Variants in DERL1 observed in about 807,000 individuals in gnomAD.
DERL1 encodes derlin-1.
Under a neutral mutation model 41.6 loss-of-function variants are expected in DERL1, and 24 were observed. That is an observed-to-expected ratio of 0.58 (90% CI 0.42 to 0.81). The LOEUF (loss-of-function observed/expected upper bound fraction) is 0.81, where lower values mean the gene tolerates loss of function less well. Ranked by LOEUF, DERL1 falls within the 30% of genes least tolerant of loss-of-function variation. The probability of loss-of-function intolerance (pLI) is 0.00; values close to 1 mark genes in which losing one functional copy is unlikely to be tolerated. For synonymous variants in DERL1, 124 were observed against 112.5 expected (o/e 1.10, Z -0.65); for missense variants, 260 against 314.3 (o/e 0.83, Z 1.31).
At position 123,030,060 on chromosome 8, in the gene DERL1, A is replaced by AAAAT. The variant is rs1554595884; in HGVS notation, c.265+541_265+544dup. ...GGGCAACGGAGCAAGATTGTCTCAA[A>AAAAT]AAATAAATAAATAAATAAAATAAAA... is the stretch of plus-strand genomic sequence containing the variant. On this transcript the variant is annotated intron_variant, in intron 2 of 7. Transcript: ENST00000259512. Among the ~76,000 whole-genome samples, 421 of 151,946 alleles carry AAAAT rather than the reference A, an allele frequency of 2.8e-3. 11 individuals carry two copies. In the East Asian group the frequency reaches 0.063, roughly 23 times the overall value.
chr8:123,020,796 C>CAAAAAAAAA (rs59816749), intron 6 of DERL1, among the ~76,000 whole-genome samples: 1 of 112,396 alleles, frequency 8.9e-6, no homozygotes. Context: ...CTAAAAATCC[C>CAAAAAAAAA]AAAAAAAAAA....
chr8:123,019,614 T>C (rs1814703529), intron 6 of DERL1, among the ~76,000 whole-genome samples: 1 of 152,206 alleles, frequency 6.6e-6, no homozygotes, highest in African/African-American at 2.4e-5. Flanking sequence ...GTTGGGGAAG[T>C]TGCAAAGCAT....
At chr8:123,027,137 T>C (rs991747163) in intron 2 of DERL1, among the ~76,000 whole-genome samples, 2 of 151,360 alleles carry the variant, frequency 1.3e-5, no homozygotes, top group African/African-American at 4.9e-5. Flanking sequence ...CTACTAAAAA[T>C]ACAAAAATTA....
At chr8:123,020,927 T>C (rs1814746426) in intron 6 of DERL1, among the ~76,000 whole-genome samples, 3 of 150,612 alleles carry the variant, frequency 2.0e-5, no homozygotes, top group East Asian at 2.0e-4. Context: ...GATCGCACCA[T>C]TGCACTCCAG....
chr8:123,035,305 A>G (rs1324910386), intron 1 of DERL1, among the ~76,000 whole-genome samples: 1 of 152,234 alleles, frequency 6.6e-6, no homozygotes. Context: ...CTTTAAAATT[A>G]TAATCTGAAA....
At chr8:123,021,293 C>T (rs575600135) in intron 6 of DERL1, among the ~76,000 whole-genome samples, 154 bp downstream of exon 6, 1 of 152,184 alleles carries the variant, frequency 6.6e-6, no homozygotes, top group Non-Finnish European at 1.5e-5. Flanking sequence ...GCAATCTAAT[C>T]AATTCAATCG....
intron 6 of DERL1, among the ~76,000 whole-genome samples, chr8:123,019,830 A>G (rs117415357): frequency 1.3e-5 from 2 of 152,126 alleles, no homozygotes; most frequent in East Asian, 3.9e-4. Flanking sequence ...GCCGACTTGC[A>G]CCCTGAAATC....
At chr8:123,019,373 G>C (rs986421135) in intron 6 of DERL1, 68 bp from the exon 7 acceptor site, 1 of 1,126,172 alleles carries the variant, frequency 8.9e-7, no homozygotes, top group Non-Finnish European at 1.3e-6. Context: ...TTAACTAATA[G>C]CATAAGGAAG....
chr8:123,021,440 C>T lies in DERL1; in HGVS notation c.506+7G>A, dbSNP rs1232434039. The T allele has an allele frequency of 3.1e-6, 5 of 1,611,840 alleles. No individual in the cohort carries two copies. Among genetic ancestry groups the T allele is most frequent in the African/African-American group, 1.3e-5 (1 of 74,836 alleles). Reference sequence around the variant, plus strand: ...GTTTCCAATTAAATAAATCTAATATCACTTACGAGCCTCCGATGATATAGT... The same window carrying T: ...GTTTCCAATTAAATAAATCTAATATTACTTACGAGCCTCCGATGATATAGT... On this transcript the variant is annotated splice_region_variant and intron_variant, in intron 6 of 7. Transcript: ENST00000259512.
At chr8:123,028,804 C>T (rs753848719) in intron 2 of DERL1, among the ~76,000 whole-genome samples, 12 of 152,112 alleles carry the variant, frequency 7.9e-5, no homozygotes, top group Admixed American at 7.2e-4. Context: ...CAGTGGCTCA[C>T]GCCTGTAATC....
chr8:123,016,060 T>C (rs1259226980), intron 7 of DERL1: 1 of 152,366 alleles, frequency 6.6e-6, no homozygotes, highest in African/African-American at 2.4e-5. Flanking sequence ...GCTGAGCCCA[T>C]CAAAGGAGAC....
intron 5 of DERL1, 112 bp from the exon 6 acceptor site, chr8:123,021,611 T>C (rs1023203153): frequency 1.0e-6 from 1 of 959,122 alleles, no homozygotes; most frequent in South Asian, 1.4e-5. Context: ...ATATAAATCC[T>C]CTGGAAGGTC....
chr8:123,039,683 C>T (rs1480815815), intron 1 of DERL1, among the ~76,000 whole-genome samples: 1 of 152,196 alleles, frequency 6.6e-6, no homozygotes, highest in Non-Finnish European at 1.5e-5. Context: ...CCCCTTAAAA[C>T]ACGTGCCTCT....
Position 123,042,098 on chromosome 8 carries a change from T to C in DERL1, c.25A>G (p.Arg9Gly). Residue 9 changes from arginine to glycine, a missense_variant, in exon 1 of 8, where the codon AGG becomes GGG. By Grantham distance (125) the Arg-to-Gly change is moderately radical (BLOSUM62 -2). Coordinates refer to ENST00000259512, the MANE Select transcript of DERL1 (RefSeq NM_024295.6). MSDIGDWF[R>G]SIPAITRYWF... The stretch of plus-strand genomic sequence containing the variant: ...TAGCGCGTGATCGCCGGGATGCTCC[T>C]GAACCAGTCTCCGATGTCCGACATC... 1 of 1,612,288 alleles carries C rather than the reference T, an allele frequency of 6.2e-7. No homozygotes were observed. The highest frequency in any genetic ancestry group is 8.5e-7 in the Non-Finnish European group (1 of 1,178,810).
chr8:123,028,410 T>G (rs930802704), intron 2 of DERL1, among the ~76,000 whole-genome samples: 2 of 152,178 alleles, frequency 1.3e-5, no homozygotes, highest in Non-Finnish European at 2.9e-5. Context: ...GGTAAATCCA[T>G]ATACACGGAA....
chr8:123,025,021 A>G lies in DERL1; in HGVS notation c.295T>C (p.Leu99=). 9 of 1,613,972 alleles carry G rather than the reference A, an allele frequency of 5.6e-6. No homozygotes were observed. The highest frequency in any genetic ancestry group is 7.6e-6 in the Non-Finnish European group (9 of 1,179,940). Residue 99 remains leucine (L), a synonymous_variant, in exon 3 of 8, where the codon TTA becomes CTA. Coordinates refer to ENST00000259512, the MANE Select transcript of DERL1 (RefSeq NM_024295.6). ...ATCCAGTTAAAGAGGAGCATGAATA[A>G]ATAGTCTGCTGGCCTCCCATCAAAA... The part of the protein sequence containing the change: ...GAFDGRPADY[L]FMLLFNWICI...
Position 123,014,507 on chromosome 8 carries a change from T to C in DERL1, c.*940A>G, listed in dbSNP as rs3739292. The C allele has an allele frequency of 0.061, 9,346 of 152,696 alleles. 444 individuals carry two copies. Among genetic ancestry groups the C allele is most frequent in the East Asian group, 0.2 (1,031 of 5,166 alleles). 9.5% of individuals were successfully genotyped at this position (152,696 alleles called of 1,614,324 possible). A position where few individuals can be genotyped will look rare whatever the true frequency, so the allele number is the denominator to read the frequency against. On this transcript the variant is annotated 3_prime_UTR_variant, in exon 8 of 8. Coordinates refer to ENST00000259512, the MANE Select transcript of DERL1 (RefSeq NM_024295.6). ...CAATGAACACATATCCAGAATGAGATTGAAATGGAATCAATGCCCAGGAGC... is the reference window on the plus strand; with the variant it reads ...CAATGAACACATATCCAGAATGAGACTGAAATGGAATCAATGCCCAGGAGC...
rs951471605 is a variant in DERL1 at position 123,030,574 on chromosome 8, A to G, written c.265+31T>C. 6.8e-6 allele frequency: 10 copies of G among 1,463,674 alleles called. No individual in the cohort carries two copies. In the African/African-American group the frequency reaches 1.3e-4, roughly 19 times the overall value. The allele number at this position is 1,463,674 out of a possible 1,614,324, so 90.7% of individuals were successfully genotyped here. A position where few individuals can be genotyped will look rare whatever the true frequency, so the allele number is the denominator to read the frequency against. On this transcript the variant is annotated intron_variant, in intron 2 of 7. Transcript: ENST00000259512. ...ACATGGATTAGTAAATGAGAAAGAAACAATGCTTAAAACAACTATGGGTAA... is the reference window on the plus strand; with the variant it reads ...ACATGGATTAGTAAATGAGAAAGAAGCAATGCTTAAAACAACTATGGGTAA...
At chr8:123,019,790 T>C (rs1052382360) in intron 6 of DERL1, among the ~76,000 whole-genome samples, 1 of 152,148 alleles carries the variant, frequency 6.6e-6, no homozygotes, top group Non-Finnish European at 1.5e-5. Flanking sequence ...TATCCTTGAG[T>C]GTAAGACACC....
Sources: gnomAD v4.1 joint callset for allele counts (sites outside exome capture counted in the v4.1 genomes callset) on GRCh38, gnomAD v4.1.1 for gene constraint, MANE v1.5 for transcripts, NCBI Gene and HGNC (gene_info 2026-07-23, HGNC 2026-07-21) for gene names.